Variants in RPS6KA5 observed in about 807,000 individuals in gnomAD.
RPS6KA5 encodes the protein ribosomal protein S6 kinase A5, also known as ribosomal protein S6 kinase alpha-5.
In RPS6KA5, 27 loss-of-function variants were observed where a neutral mutation model predicts 85.5. That is an observed-to-expected ratio of 0.32 (90% CI 0.23 to 0.44). The LOEUF (loss-of-function observed/expected upper bound fraction) is 0.44. RPS6KA5 is among the 20% of genes least tolerant of loss of function. The pLI is 1.00. For missense variants in RPS6KA5, 811 were observed against 980.9 expected (o/e 0.83, Z 2.31); for synonymous variants, 334 against 348.2 (o/e 0.96, Z 0.46).
intron 1 of RPS6KA5, among the ~76,000 whole-genome samples, chr14:91,020,650 GTT>G (rs2041725806): frequency 5.4e-5 from 8 of 146,896 alleles, no homozygotes; most frequent in Admixed American, 2.0e-4. Flanking sequence ...GTGTGTGTGT[GTT>G]TATATGTGTA....
chr14:90,899,462 G>T (rs2035036503), intron 11 of RPS6KA5, 40 bp from the exon 12 acceptor site: 1 of 1,444,980 alleles, frequency 6.9e-7, no homozygotes, highest in Non-Finnish European at 9.7e-7. Flanking sequence ...GTCTCTTCAA[G>T]AAAGTTTTTA....
chr14:90,889,031 C>T (rs2034397970), intron 14 of RPS6KA5, among the ~76,000 whole-genome samples: 1 of 152,170 alleles, frequency 6.6e-6, no homozygotes, highest in Admixed American at 6.5e-5. Context: ...CAGTGGCTCT[C>T]GCCTGTAATC....
chr14:90,965,584 A>G (rs2039022242), intron 3 of RPS6KA5, among the ~76,000 whole-genome samples: 1 of 152,162 alleles, frequency 6.6e-6, no homozygotes, highest in Non-Finnish European at 1.5e-5. Flanking sequence ...GAAAGTTCAC[A>G]TGCAGTTCAC....
chr14:90,960,677 A>G (rs796222766), intron 3 of RPS6KA5, among the ~76,000 whole-genome samples: 3 of 152,164 alleles, frequency 2.0e-5, no homozygotes, highest in African/African-American at 7.2e-5. Flanking sequence ...TACCTGGTGG[A>G]CTCTTGATCC....
Position 91,026,985 on chromosome 14 carries a change from T to C in RPS6KA5, c.104-25826A>G, listed in dbSNP as rs2042012806. ...TTAATAGGGTTATTTGTTGTTTGCT[T>C]GTTGAATTGTTTAAGTCCTTTATAG... On this transcript the variant is annotated intron_variant, in intron 1 of 16. Transcript: ENST00000614987. Among the ~76,000 whole-genome samples, 3 of 152,348 alleles carry C rather than the reference T, an allele frequency of 2.0e-5. No homozygotes were observed. In the South Asian group the frequency reaches 6.2e-4, roughly 32 times the overall value.
intron 7 of RPS6KA5, among the ~76,000 whole-genome samples, chr14:90,917,436 G>C (rs1210382777): frequency 6.6e-6 from 1 of 152,070 alleles, no homozygotes; most frequent in Non-Finnish European, 1.5e-5. Context: ...TTTCATGGAA[G>C]AAAATGTTCT....
At chr14:90,880,182 A>G (rs939556821) in intron 14 of RPS6KA5, among the ~76,000 whole-genome samples, 1 of 152,182 alleles carries the variant, frequency 6.6e-6, no homozygotes, top group South Asian at 2.1e-4. Context: ...GTTCGATGGT[A>G]TTAAATATCT....
chr14:90,947,002 T>G (rs2037906186), intron 4 of RPS6KA5, among the ~76,000 whole-genome samples: 1 of 151,852 alleles, frequency 6.6e-6, no homozygotes. Context: ...AAAGCCAGAG[T>G]GCGAGTGGGA....
At chr14:91,056,062 G>A (rs986643358) in intron 1 of RPS6KA5, among the ~76,000 whole-genome samples, 2 of 151,942 alleles carry the variant, frequency 1.3e-5, no homozygotes, top group African/African-American at 2.4e-5. Flanking sequence ...ATTCACTTAG[G>A]ATTAAAAAAA....
At chr14:91,037,005 A>G (rs117511794) in intron 1 of RPS6KA5, among the ~76,000 whole-genome samples, 1 of 152,344 alleles carries the variant, frequency 6.6e-6, no homozygotes, top group Non-Finnish European at 1.5e-5. Flanking sequence ...AGATGACGTC[A>G]AATGGTGCTT....
rs922348290 is a variant in RPS6KA5 at position 90,863,989 on chromosome 14, T to C, written c.*8085A>G. 6.6e-6 allele frequency: 1 copy of C among 152,252 alleles called. No individual in the cohort carries two copies. Among genetic ancestry groups the C allele is most frequent in the African/African-American group, 2.4e-5 (1 of 41,466 alleles). The allele number at this position is 152,252 out of a possible 1,614,324, so 9.4% of individuals were successfully genotyped here. ...TACACTACCAGATATGAAGACTTCA[T>C]AAAAATTACAACTCAGCTTTTCAAT... On this transcript the variant is annotated 3_prime_UTR_variant, in exon 17 of 17. Coordinates refer to ENST00000614987, the MANE Select transcript of RPS6KA5 (RefSeq NM_004755.4).
intron 1 of RPS6KA5, among the ~76,000 whole-genome samples, chr14:91,031,393 A>G (rs1311781321): frequency 6.6e-6 from 1 of 152,190 alleles, no homozygotes; most frequent in East Asian, 1.9e-4. Context: ...ATATAATACT[A>G]AAAAAGAGGA....
chr14:91,053,789 T>C (rs2043195331), intron 1 of RPS6KA5, among the ~76,000 whole-genome samples: 1 of 152,174 alleles, frequency 6.6e-6, no homozygotes, highest in Non-Finnish European at 1.5e-5. Context: ...TAACTAAAAA[T>C]TCAATGAGAT....
At position 90,877,346 on chromosome 14, in the gene RPS6KA5, T is replaced by C. The variant is rs976616285; in HGVS notation, c.1837-1986A>G. On this transcript the variant is annotated intron_variant, in intron 14 of 16. Transcript: ENST00000614987. ...AAGGCAGACAAAACTCCCTAAATCC[T>C]TGATGTAGCTTGAAGGCAGGCTACG... Among the ~76,000 whole-genome samples, 3 of 152,146 alleles carry C rather than the reference T, an allele frequency of 2.0e-5. No homozygotes were observed. The East Asian group carries it at 5.8e-4, about 29-fold the overall frequency.
At chr14:90,953,663 G>A (rs2038344648) in intron 3 of RPS6KA5, among the ~76,000 whole-genome samples, 1 of 152,156 alleles carries the variant, frequency 6.6e-6, no homozygotes, top group Non-Finnish European at 1.5e-5. Flanking sequence ...CCCTGGGGAA[G>A]GAATGCATTC....
chr14:90,939,383 C>T (rs1330389403), intron 5 of RPS6KA5, among the ~76,000 whole-genome samples: 1 of 152,212 alleles, frequency 6.6e-6, no homozygotes, highest in African/African-American at 2.4e-5. Flanking sequence ...CTGTTCCAAC[C>T]TCTGCCTGTT....
chr14:90,929,801 T>C lies in RPS6KA5; in HGVS notation c.619-6605A>G, dbSNP rs139048369. On this transcript the variant is annotated intron_variant, in intron 5 of 16. Coordinates refer to ENST00000614987, the MANE Select transcript of RPS6KA5 (RefSeq NM_004755.4). ...AAGGTCGGGGGAAAGGAGAGGGAGG[T>C]AGGGTGAGGGTGAAGAGGAAAAAGA... 8.6e-3 allele frequency among the ~76,000 whole-genome samples: 1,305 copies of C among 151,750 alleles called. 17 individuals are homozygous for C. The highest frequency in any genetic ancestry group is 0.029 in the African/African-American group (1,219 of 41,386).
chr14:91,002,360 T>C (rs773331965), intron 1 of RPS6KA5, among the ~76,000 whole-genome samples: 2 of 152,124 alleles, frequency 1.3e-5, no homozygotes, highest in Non-Finnish European at 2.9e-5. Flanking sequence ...GTATTCAACA[T>C]ACAATTCTTT....
intron 5 of RPS6KA5, among the ~76,000 whole-genome samples, chr14:90,930,051 T>C (rs1296877084): frequency 6.6e-6 from 1 of 152,120 alleles, no homozygotes; most frequent in Non-Finnish European, 1.5e-5. Flanking sequence ...TTTAAATATT[T>C]TGTAGAGATG....
Sources: allele counts gnomAD v4.1 joint callset (sites outside exome capture counted in the v4.1 genomes callset), GRCh38; gene constraint gnomAD v4.1.1; transcripts MANE v1.5; gene names NCBI Gene and HGNC (gene_info 2026-07-23, HGNC 2026-07-21).